Variants in PPP2R3A observed in about 807,000 individuals in gnomAD.
PPP2R3A encodes serine/threonine-protein phosphatase 2A regulatory subunit B'' subunit alpha.
Under a neutral mutation model 106.9 loss-of-function variants are expected in PPP2R3A, and 80 were observed. That is an observed-to-expected ratio of 0.75 (90% CI 0.62 to 0.90). The LOEUF (loss-of-function observed/expected upper bound fraction) is 0.90, where lower values mean the gene tolerates loss of function less well. PPP2R3A is among the 40% of genes least tolerant of loss of function. The pLI, the probability that PPP2R3A is intolerant of heterozygous loss-of-function variation, is 0.00. For missense variants in PPP2R3A, 1,386 were observed against 1,350.4 expected (o/e 1.03, Z -0.41); for synonymous variants, 483 against 468.3 (o/e 1.03, Z -0.41).
intron 13 of PPP2R3A, among the ~76,000 whole-genome samples, chr3:136,120,044 G>C (rs374850697): frequency 4.6e-5 from 7 of 151,162 alleles, no homozygotes; most frequent in African/African-American, 1.7e-4. Flanking sequence ...ATGAGTTCAC[G>C]TCCTTTGCAG....
chr3:136,023,963 A>G (rs766946113), intron 2 of PPP2R3A, among the ~76,000 whole-genome samples: 10 of 152,176 alleles, frequency 6.6e-5, no homozygotes, highest in Non-Finnish European at 1.2e-4. Flanking sequence ...CCATAGTTTT[A>G]TGGTTATTCT....
At chr3:136,142,370 G>C (rs1225991199) in intron 13 of PPP2R3A, among the ~76,000 whole-genome samples, 1 of 152,090 alleles carries the variant, frequency 6.6e-6, no homozygotes, top group Admixed American at 6.5e-5. Flanking sequence ...GTCCCCTGGC[G>C]GCGGGGGACA....
At position 136,089,344 on chromosome 3, in the gene PPP2R3A, T is replaced by C. The variant is rs558792904; in HGVS notation, c.2838-1234T>C. Among the ~76,000 whole-genome samples the C allele has an allele frequency of 2.0e-5, 3 of 152,306 alleles. No individual in the cohort carries two copies. The South Asian group carries it at 6.2e-4, about 32-fold the overall frequency. ...CACTGTTTATTGAATAGGGAGTCTTTTTCCCGTTGTTTGTTTTTATCGACT... is the reference window on the plus strand; with the variant it reads ...CACTGTTTATTGAATAGGGAGTCTTCTTCCCGTTGTTTGTTTTTATCGACT... On this transcript the variant is annotated intron_variant, in intron 9 of 13. Transcript: ENST00000264977.
intron 1 of PPP2R3A, among the ~76,000 whole-genome samples, chr3:135,998,028 CT>C (rs1457662968): frequency 6.6e-6 from 1 of 152,186 alleles, no homozygotes; most frequent in East Asian, 1.9e-4. Flanking sequence ...AAAGTTCAGA[CT>C]CCTTAGTTTA....
At chr3:136,131,397 C>A (rs1938410848) in intron 13 of PPP2R3A, among the ~76,000 whole-genome samples, 1 of 152,166 alleles carries the variant, frequency 6.6e-6, no homozygotes, top group African/African-American at 2.4e-5. Flanking sequence ...ATGCAGCCAA[C>A]AGACACATGA....
chr3:136,080,034 G>A (rs1936730602), intron 7 of PPP2R3A, among the ~76,000 whole-genome samples: 1 of 152,070 alleles, frequency 6.6e-6, no homozygotes, highest in Non-Finnish European at 1.5e-5. Context: ...CCCCAGAGGG[G>A]GACCCATATC....
chr3:136,029,066 T>C (rs559246701), intron 3 of PPP2R3A, among the ~76,000 whole-genome samples: 1 of 152,178 alleles, frequency 6.6e-6, no homozygotes. Flanking sequence ...TTGGTCAGGC[T>C]GGTCTCAAAC....
At chr3:136,015,960 T>C (rs1376732237) in intron 2 of PPP2R3A, among the ~76,000 whole-genome samples, 1 of 152,166 alleles carries the variant, frequency 6.6e-6, no homozygotes, top group East Asian at 1.9e-4. Flanking sequence ...TTTAATGCTA[T>C]GAACTTTAAT....
chr3:136,087,782 G>C (rs1189447995), intron 8 of PPP2R3A, 101 bp from the exon 9 acceptor site: 1 of 740,298 alleles, frequency 1.4e-6, no homozygotes, highest in African/African-American at 1.8e-5. Context: ...CGATGGTTAC[G>C]GTTTAGCTTG....
intron 10 of PPP2R3A, among the ~76,000 whole-genome samples, chr3:136,099,926 A>G (rs1338808098): frequency 6.6e-6 from 1 of 151,876 alleles, no homozygotes; most frequent in African/African-American, 2.4e-5. Flanking sequence ...TTAAAAAAAA[A>G]AAAAAAAGAG....
chr3:136,061,789 G>A (rs1342449827), intron 5 of PPP2R3A, among the ~76,000 whole-genome samples: 1 of 151,330 alleles, frequency 6.6e-6, no homozygotes, highest in African/African-American at 2.4e-5. Context: ...GCGTGGTGGC[G>A]GGTGCCTATA....
chr3:136,134,828 A>G (rs1012312934), intron 13 of PPP2R3A, among the ~76,000 whole-genome samples: 5 of 152,158 alleles, frequency 3.3e-5, no homozygotes, highest in African/African-American at 1.2e-4. Context: ...AAAAATCTAC[A>G]CCTAAAATTC....
At chr3:136,044,088 A>T (rs1935387844) in intron 4 of PPP2R3A, among the ~76,000 whole-genome samples, 1 of 152,102 alleles carries the variant, frequency 6.6e-6, no homozygotes, top group African/African-American at 2.4e-5. Flanking sequence ...CTGTTTTTCT[A>T]TTGTGATCAT....
rs1020336683 is a variant in PPP2R3A, at chr3:136,042,114, C to A, written c.2366+1152C>A. On this transcript the variant is annotated intron_variant, in intron 4 of 13. Transcript: ENST00000264977. ...ACAGACAGATTCTTTCTAATTTCTT[C>A]ATTTCAGCTAAAAGCCCTTAATAGG... Among the ~76,000 whole-genome samples, 6 of 152,328 alleles carry A rather than the reference C, an allele frequency of 3.9e-5. No homozygotes were observed. The East Asian group carries it at 7.7e-4, about 20-fold the overall frequency.
At chr3:136,141,127 C>T (rs531865603) in intron 13 of PPP2R3A, among the ~76,000 whole-genome samples, 1 of 152,158 alleles carries the variant, frequency 6.6e-6, no homozygotes, top group Non-Finnish European at 1.5e-5. Flanking sequence ...AAGTGAGGAA[C>T]AGATTTAATT....
At chr3:136,130,503 TAAAAG>T (rs1276742705) in intron 13 of PPP2R3A, among the ~76,000 whole-genome samples, 3 of 151,948 alleles carry the variant, frequency 2.0e-5, no homozygotes, top group South Asian at 2.1e-4. Context: ...CTCAATGAAA[TAAAAG>T]AGAACACAAA....
Position 136,137,995 on chromosome 3 carries a change from G to T in PPP2R3A, c.3330-7048G>T, listed in dbSNP as rs6799503. On this transcript the variant is annotated intron_variant, in intron 13 of 13. Coordinates refer to ENST00000264977, the MANE Select transcript of PPP2R3A (RefSeq NM_002718.5). ...CTCCTCAGTGAGGTGGGAGAATGTA[G>T]GAGAGGAACAGGGAAACAGGGAGAA... 7.6e-3 allele frequency among the ~76,000 whole-genome samples: 1,152 copies of T among 152,226 alleles called. 15 individuals are homozygous for T. The highest frequency in any genetic ancestry group is 0.048 in the East Asian group (247 of 5,176).
In PPP2R3A at chr3:136,146,984, A is replaced by C. The variant is rs191296687; in HGVS notation, c.*1818A>C. 6.7e-6 allele frequency: 1 copy of C among 148,272 alleles called. No homozygotes were observed. Among genetic ancestry groups the C allele is most frequent in the Non-Finnish European group, 1.5e-5 (1 of 66,774 alleles). The allele number at this position is 148,272 out of a possible 1,614,324, so 9.2% of individuals were successfully genotyped here. On this transcript the variant is annotated 3_prime_UTR_variant, in exon 14 of 14. Transcript: ENST00000264977. ...GTAAAAATTCAATTTTACAATATAC[A>C]TTTTTTTTTTTAACTATTTGGCTTT...
At chr3:135,975,876 T>C (rs771660702) in intron 1 of PPP2R3A, among the ~76,000 whole-genome samples, 21 of 152,298 alleles carry the variant, frequency 1.4e-4, no homozygotes, top group Admixed American at 4.6e-4. Flanking sequence ...TAATATTGAA[T>C]ACGTTCTCTT....
Sources: allele counts gnomAD v4.1 joint callset (sites outside exome capture counted in the v4.1 genomes callset), GRCh38; gene constraint gnomAD v4.1.1; transcripts MANE v1.5; gene names NCBI Gene and HGNC (gene_info 2026-07-23, HGNC 2026-07-21).